Variants in APBB1IP observed in about 807,000 individuals in gnomAD.
APBB1IP encodes amyloid beta precursor protein binding family B member 1 interacting protein.
In APBB1IP, 27 loss-of-function variants were observed where a neutral mutation model predicts 64.9. That is an observed-to-expected ratio of 0.42 (90% CI 0.31 to 0.57). The LOEUF (loss-of-function observed/expected upper bound fraction) is 0.57, where lower values mean the gene tolerates loss of function less well. Among genes scored for constraint, APBB1IP ranks in the 20% least tolerant of loss-of-function variants. The pLI, the probability that APBB1IP is intolerant of heterozygous loss-of-function variation, is 0.20. For missense variants in APBB1IP, 812 were observed against 845.5 expected (o/e 0.96, Z 0.49); for synonymous variants, 392 against 331.0 (o/e 1.18, Z -2.00).
Position 26,450,396 on chromosome 10 carries a change from G to A in APBB1IP, c.-1+11543G>A, listed in dbSNP as rs147684824. 3.8e-3 allele frequency among the ~76,000 whole-genome samples: 573 copies of A among 152,082 alleles called. 1 individual carries two copies. Among genetic ancestry groups the A allele is most frequent in the African/African-American group, 5.1e-3 (210 of 41,494 alleles). On this transcript the variant is annotated intron_variant, in intron 2 of 14. Coordinates refer to ENST00000376236, the MANE Select transcript of APBB1IP (RefSeq NM_019043.4). ...TTTTGACATTTTGAAAAGAACTCAAGTATTATCTCCTTGTATTTTGACATT... is the reference window on the plus strand; with the variant it reads ...TTTTGACATTTTGAAAAGAACTCAAATATTATCTCCTTGTATTTTGACATT...
At chr10:26,445,281 A>G (rs371810854) in intron 2 of APBB1IP, among the ~76,000 whole-genome samples, 95 of 152,322 alleles carry the variant, frequency 6.2e-4, no homozygotes, top group African/African-American at 2.2e-3. Flanking sequence ...CAAAATCTTT[A>G]TTAGGTAGCT....
Position 26,503,225 on chromosome 10 carries a change from A to T in APBB1IP, c.482A>T (p.Asp161Val), listed in dbSNP as rs780157280. ...GAGGAAGAAGCCCAAGCCAAGGCTG[A>T]TAAAATTAAGCTGGCGCTGGAAAAA... Reference protein sequence around the residue: ...QEEEEAQAKADKIKLALEKLK... With the variant: ...QEEEEAQAKAVKIKLALEKLK... The change falls in exon 6 of 15, where the codon GAT becomes GTT. Residue 161 changes from aspartate (D) to valine (V), a missense_variant. Asp to Val is a radical substitution (Grantham distance 152). This residue lies in a region of APBB1IP where 394 missense variants were observed against 413.1 expected (regional missense o/e 0.95). Coordinates refer to ENST00000376236, the MANE Select transcript of APBB1IP (RefSeq NM_019043.4). 1.2e-6 allele frequency: 2 copies of T among 1,614,190 alleles called. No homozygotes were observed. Among genetic ancestry groups the T allele is most frequent in the Admixed American group, 3.3e-5 (2 of 60,020 alleles).
At chr10:26,561,423 C>G (rs1252476141) in intron 13 of APBB1IP, among the ~76,000 whole-genome samples, 2 of 139,546 alleles carry the variant, frequency 1.4e-5, no homozygotes, top group Non-Finnish European at 3.1e-5. Flanking sequence ...AGGTCTTGCT[C>G]TGTCACCCAG....
Position 26,567,353 on chromosome 10 carries a change from G to T in APBB1IP, c.1866G>T (p.Ala622=). ...PVPDSARPPP[A]VAKRPPVPPK... is the part of the protein sequence containing the mutation. ...CCGACTCCGCCAGGCCGCCCCCCGC[G>T]GTGGCCAAGAGGCCTCCTGTGCCCC... Residue 622 remains alanine (A), a synonymous_variant, in exon 15 of 15, where the codon GCG becomes GCT. Coordinates refer to ENST00000376236, the MANE Select transcript of APBB1IP (RefSeq NM_019043.4). 1 of 1,482,770 alleles carries T rather than the reference G, an allele frequency of 6.7e-7. No individual in the cohort carries two copies. The highest frequency in any genetic ancestry group is 9.0e-7 in the Non-Finnish European group (1 of 1,106,280). The allele number at this position is 1,482,770 out of a possible 1,614,324, so 91.9% of individuals were successfully genotyped here. A position where few individuals can be genotyped will look rare whatever the true frequency, so the allele number is the denominator to read the frequency against.
chr10:26,565,336 T>C (rs1339450576), intron 14 of APBB1IP, among the ~76,000 whole-genome samples: 2 of 152,174 alleles, frequency 1.3e-5, no homozygotes, highest in Non-Finnish European at 2.9e-5. Context: ...AATGTATCCC[T>C]TCCTATATGA....
In APBB1IP at chr10:26,441,337, G is replaced by A. The variant is rs564412532; in HGVS notation, c.-1+2484G>A. Among the ~76,000 whole-genome samples, 19 of 152,228 alleles carry A rather than the reference G, an allele frequency of 1.2e-4. No homozygotes were observed. The South Asian group carries it at 3.7e-3, about 30-fold the overall frequency. ...ACATGACTTTTAGAGAAAACTGCTAGATATCTGGAACAGTAATCATTAGAT... is the reference window on the plus strand; with the variant it reads ...ACATGACTTTTAGAGAAAACTGCTAAATATCTGGAACAGTAATCATTAGAT... On this transcript the variant is annotated intron_variant, in intron 2 of 14. Coordinates refer to ENST00000376236, the MANE Select transcript of APBB1IP (RefSeq NM_019043.4).
intron 3 of APBB1IP, among the ~76,000 whole-genome samples, chr10:26,493,995 C>A (rs1379458515): frequency 6.6e-6 from 1 of 152,076 alleles, no homozygotes; most frequent in Non-Finnish European, 1.5e-5. Context: ...CGCCACCACA[C>A]CCAGCTAATT....
intron 11 of APBB1IP, 33 bp downstream of exon 11, chr10:26,541,725 T>C: frequency 2.0e-6 from 3 of 1,466,126 alleles, no homozygotes; most frequent in Non-Finnish European, 2.8e-6. Context: ...TTTAGATTTA[T>C]AAGCAATTTG....
At chr10:26,497,878 C>T (rs549553193) in intron 4 of APBB1IP, among the ~76,000 whole-genome samples, 2 of 151,958 alleles carry the variant, frequency 1.3e-5, no homozygotes, top group South Asian at 4.2e-4. Context: ...AGGCATGCGC[C>T]ATCATGACTG....
intron 2 of APBB1IP, among the ~76,000 whole-genome samples, chr10:26,454,762 C>T (rs2992264): frequency 0.25 from 37,254 of 152,038 alleles, 4,878 homozygotes; most frequent in East Asian, 0.49. Context: ...CTGGAGGGGA[C>T]GGATACCTCA....
intron 11 of APBB1IP, among the ~76,000 whole-genome samples, chr10:26,551,136 T>C (rs1173808468): frequency 6.6e-6 from 1 of 152,206 alleles, no homozygotes; most frequent in Non-Finnish European, 1.5e-5. Context: ...TCATCACATC[T>C]GGCAGGGAAG....
intron 2 of APBB1IP, among the ~76,000 whole-genome samples, chr10:26,460,931 A>G (rs1253063189): frequency 6.6e-6 from 1 of 152,200 alleles, no homozygotes; most frequent in Non-Finnish European, 1.5e-5. Flanking sequence ...GTGGTTTTCC[A>G]CATTGGCTTT....
At chr10:26,446,147 T>C (rs998498509) in intron 2 of APBB1IP, among the ~76,000 whole-genome samples, 3 of 152,216 alleles carry the variant, frequency 2.0e-5, no homozygotes, top group Non-Finnish European at 4.4e-5. Context: ...CATATTATAG[T>C]GTATTATCAC....
intron 11 of APBB1IP, among the ~76,000 whole-genome samples, chr10:26,544,911 C>T (rs1218762931): frequency 6.6e-6 from 1 of 152,118 alleles, no homozygotes; most frequent in African/African-American, 2.4e-5. Flanking sequence ...TGAGGATCTC[C>T]CCAAAGGAGA....
At chr10:26,483,723 T>C (rs1197744462) in intron 2 of APBB1IP, among the ~76,000 whole-genome samples, 1 of 152,212 alleles carries the variant, frequency 6.6e-6, no homozygotes, top group Non-Finnish European at 1.5e-5. Flanking sequence ...TTTATCATTA[T>C]TTATTTTGAG....
chr10:26,555,605 TTTTG>T (rs915948229), intron 11 of APBB1IP, among the ~76,000 whole-genome samples: 15 of 152,144 alleles, frequency 9.9e-5, no homozygotes, highest in Non-Finnish European at 8.8e-5. Context: ...TTTGTTGTTT[TTTTG>T]TTTGTTTGTT....
At chr10:26,555,810 G>A (rs539008624) in intron 11 of APBB1IP, among the ~76,000 whole-genome samples, 7 of 152,250 alleles carry the variant, frequency 4.6e-5, no homozygotes, top group African/African-American at 1.7e-4. Context: ...TGTTGCCTAG[G>A]CTGATCTCAA....
At chr10:26,452,457 C>A (rs902167352) in intron 2 of APBB1IP, among the ~76,000 whole-genome samples, 25 of 152,210 alleles carry the variant, frequency 1.6e-4, no homozygotes, top group African/African-American at 4.8e-4. Context: ...AACATATTAC[C>A]AAGGAAGCCA....
chr10:26,498,007 G>A (rs987499148), intron 4 of APBB1IP, among the ~76,000 whole-genome samples: 3 of 152,114 alleles, frequency 2.0e-5, no homozygotes, highest in South Asian at 2.1e-4. Flanking sequence ...AATTACAGGT[G>A]TGAGCCATGG....
Sources: allele counts gnomAD v4.1 joint callset (sites outside exome capture counted in the v4.1 genomes callset), GRCh38; gene constraint gnomAD v4.1.1; regional missense constraint gnomAD v4.1.1; transcripts MANE v1.5; gene names NCBI Gene and HGNC (gene_info 2026-07-23, HGNC 2026-07-21).